The following CNTN6 variants were observed in gnomAD, a reference collection of about 807,000 sequenced individuals.
CNTN6 encodes contactin 6.
CNTN6 carries 137 observed loss-of-function variants against 122.8 expected under a neutral mutation model. That is an observed-to-expected ratio of 1.12 (90% CI 0.97 to 1.29). The LOEUF is 1.29. Ranked by LOEUF, CNTN6 falls within the 50% of genes most tolerant of loss-of-function variation. The pLI is 0.00. For synonymous variants in CNTN6, 570 were observed against 426.0 expected, an observed-to-expected ratio of 1.34 and a Z score of -4.16; for missense variants, 1,634 against 1,223.4, an observed-to-expected ratio of 1.34 and a Z score of -5.01.
intron 11 of CNTN6, among the ~76,000 whole-genome samples, chr3:1,332,860 G>T (rs1431523131): frequency 1.3e-5 from 2 of 151,852 alleles, no homozygotes; most frequent in East Asian, 3.9e-4. Context: ...TTTTTTCCCT[G>T]ATCAGAACCC....
In CNTN6 at chr3:1,382,489, T is replaced by A. The variant is rs138985048; in HGVS notation, c.2167-453T>A. ...GAAATATTCTGTGTCTTAAAGCATATGTTATTTCACAGTAATTCCATTACA... is the reference window on the plus strand; with the variant it reads ...GAAATATTCTGTGTCTTAAAGCATAAGTTATTTCACAGTAATTCCATTACA... On this transcript the variant is annotated intron_variant, in intron 17 of 22. Coordinates refer to ENST00000446702, the MANE Select transcript of CNTN6 (RefSeq NM_001289080.2). Among the ~76,000 whole-genome samples the A allele has an allele frequency of 5.1e-4, 78 of 152,338 alleles. 2 individuals are homozygous for A. The East Asian group carries it at 0.014, about 28-fold the overall frequency.
At chr3:1,178,018 A>G (rs1205988159) in intron 2 of CNTN6, among the ~76,000 whole-genome samples, 1 of 151,446 alleles carries the variant, frequency 6.6e-6, no homozygotes, top group Non-Finnish European at 1.5e-5. Flanking sequence ...CTCCTGCCTC[A>G]GCCTCCCTAA....
intron 1 of CNTN6, among the ~76,000 whole-genome samples, chr3:1,139,678 C>T (rs967459131): frequency 6.6e-6 from 1 of 152,104 alleles, no homozygotes. Flanking sequence ...GGGCAAACCC[C>T]AGAATCACAG....
chr3:1,125,295 C>A (rs1414918138), intron 1 of CNTN6, among the ~76,000 whole-genome samples: 2 of 151,796 alleles, frequency 1.3e-5, no homozygotes, highest in African/African-American at 4.8e-5. Flanking sequence ...GACACAGACC[C>A]AAAGCTTTAC....
At chr3:1,337,440 C>A (rs1297391294) in intron 11 of CNTN6, among the ~76,000 whole-genome samples, 1 of 152,120 alleles carries the variant, frequency 6.6e-6, no homozygotes, top group African/African-American at 2.4e-5. Flanking sequence ...GTCGCACATG[C>A]CTTTTCAAGA....
At chr3:1,320,230 TTGTA>T (rs1229128098) in intron 7 of CNTN6, among the ~76,000 whole-genome samples, 1 of 151,756 alleles carries the variant, frequency 6.6e-6, no homozygotes, top group African/African-American at 2.4e-5. Flanking sequence ...TTCACTGTAA[TTGTA>T]TGTTAATTCT....
At chr3:1,397,290 A>C (rs764386237) in intron 20 of CNTN6, among the ~76,000 whole-genome samples, 7 of 152,206 alleles carry the variant, frequency 4.6e-5, no homozygotes, top group Non-Finnish European at 1.0e-4. Context: ...ATGAGAAACT[A>C]AGATGTACAT....
chr3:1,130,165 A>G lies in CNTN6; in HGVS notation c.-82-17762A>G, dbSNP rs777795415. Among the ~76,000 whole-genome samples the G allele has an allele frequency of 2.6e-5, 4 of 152,056 alleles. 1 individual carries two copies. In the South Asian group the frequency reaches 6.2e-4, roughly 24 times the overall value. The stretch of plus-strand genomic sequence containing the variant: ...TAATAAAAATCCTTGCCAAAGTCCA[A>G]TCTTTACACAGGACATTGACTTTAT... On this transcript the variant is annotated intron_variant, in intron 1 of 22. Transcript: ENST00000446702.
Position 1,252,857 on chromosome 3 carries a change from G to A in CNTN6, c.358+24864G>A, listed in dbSNP as rs567355842. On this transcript the variant is annotated intron_variant, in intron 4 of 22. Coordinates refer to ENST00000446702, the MANE Select transcript of CNTN6 (RefSeq NM_001289080.2). Reference sequence around the variant, plus strand: ...TGCATCTCCGAGAACCTTCAGGCTGGGCCACTGTAAATCCGGTTGGATTTG... The same window carrying A: ...TGCATCTCCGAGAACCTTCAGGCTGAGCCACTGTAAATCCGGTTGGATTTG... Among the ~76,000 whole-genome samples the A allele has an allele frequency of 3.3e-5, 5 of 152,152 alleles. No individual in the cohort carries two copies. The South Asian group carries it at 8.3e-4, about 25-fold the overall frequency.
chr3:1,217,999 G>A (rs2094151438), intron 2 of CNTN6, among the ~76,000 whole-genome samples: 1 of 152,118 alleles, frequency 6.6e-6, no homozygotes, highest in African/African-American at 2.4e-5. Context: ...TAGTCCAAAT[G>A]CCATGAATTG....
intron 4 of CNTN6, among the ~76,000 whole-genome samples, chr3:1,250,094 C>A (rs2094639989): frequency 6.6e-6 from 1 of 151,886 alleles, no homozygotes; most frequent in Non-Finnish European, 1.5e-5. Context: ...GACTATGGGC[C>A]CTGAATATTA....
chr3:1,302,754 T>A (rs186811715), intron 7 of CNTN6, among the ~76,000 whole-genome samples: 5 of 152,318 alleles, frequency 3.3e-5, no homozygotes, highest in Non-Finnish European at 7.4e-5. Flanking sequence ...TATTTATTTA[T>A]CTTGCTTTGT....
chr3:1,326,874 T>C (rs764900359), intron 9 of CNTN6, among the ~76,000 whole-genome samples: 3 of 151,902 alleles, frequency 2.0e-5, no homozygotes, highest in Admixed American at 6.6e-5. Flanking sequence ...TCTTAAGTTA[T>C]ATTTGTACTA....
intron 11 of CNTN6, among the ~76,000 whole-genome samples, chr3:1,337,425 T>C (rs562425310): frequency 2.6e-5 from 4 of 152,154 alleles, no homozygotes; most frequent in Non-Finnish European, 5.9e-5. Context: ...TAATAAAATA[T>C]CTCCGTCGCA....
chr3:1,210,851 C>G (rs897937862), intron 2 of CNTN6, among the ~76,000 whole-genome samples: 1 of 152,194 alleles, frequency 6.6e-6, no homozygotes, highest in African/African-American at 2.4e-5. Context: ...TTTCTTACTT[C>G]CCTGGTATCT....
At chr3:1,381,960 C>T (rs570579480) in intron 17 of CNTN6, among the ~76,000 whole-genome samples, 18 of 244 alleles carry the variant, frequency 0.074, no homozygotes, top group South Asian at 0.41. Context: ...GCATGGGTTC[C>T]AAGTGGCAAG....
At chr3:1,099,003 C>T (rs2090706588) in intron 1 of CNTN6, among the ~76,000 whole-genome samples, 1 of 150,948 alleles carries the variant, frequency 6.6e-6, no homozygotes, top group Non-Finnish European at 1.5e-5. Flanking sequence ...CCTCATTCTA[C>T]ATTACCATGA....
chr3:1,231,186 A>G (rs1049178412), intron 4 of CNTN6, among the ~76,000 whole-genome samples: 15 of 152,194 alleles, frequency 9.9e-5, no homozygotes, highest in Non-Finnish European at 2.9e-5. Context: ...AAGGAATCCA[A>G]AGCGAGACAG....
chr3:1,235,725 C>T (rs2094412774), intron 4 of CNTN6, among the ~76,000 whole-genome samples: 1 of 152,142 alleles, frequency 6.6e-6, no homozygotes. Flanking sequence ...TTTGAAAGAA[C>T]TGGATCACCG....
Sources: gnomAD v4.1 joint callset for allele counts (sites outside exome capture counted in the v4.1 genomes callset) on GRCh38, gnomAD v4.1.1 for gene constraint, MANE v1.5 for transcripts, NCBI Gene and HGNC (gene_info 2026-07-23, HGNC 2026-07-21) for gene names.